SPIC: variants seen among roughly 807,000 people sequenced by gnomAD.
SPIC encodes the protein transcription factor Spi-C.
In SPIC, 9 loss-of-function variants were observed where a neutral mutation model predicts 16.7. The observed-to-expected ratio is 0.54, with a 90% CI of 0.33 to 0.94. The LOEUF (loss-of-function observed/expected upper bound fraction) is 0.94, where lower values mean the gene tolerates loss of function less well. SPIC is among the 40% of genes least tolerant of loss of function. The pLI is 0.03. For synonymous variants in SPIC, 97 were observed against 102.9 expected (o/e 0.94, Z 0.35); for missense variants, 241 against 285.8 (o/e 0.84, Z 1.13).
chr12:101,482,333 C>T (rs1423405100), intron 4 of SPIC, among the ~76,000 whole-genome samples: 1 of 150,864 alleles, frequency 6.6e-6, no homozygotes, highest in African/African-American at 2.4e-5. Flanking sequence ...GCTTCCCAAA[C>T]TGTTGAGATT....
At chr12:101,479,190 A>G (rs1411327189) in intron 3 of SPIC, among the ~76,000 whole-genome samples, 2 of 127,522 alleles carry the variant, frequency 1.6e-5, no homozygotes, top group African/African-American at 6.0e-5. Flanking sequence ...GAAAGAAAGA[A>G]AGAAAGAAAG....
At chr12:101,480,375 C>T (rs1873150185) in intron 4 of SPIC, among the ~76,000 whole-genome samples, 1 of 152,212 alleles carries the variant, frequency 6.6e-6, no homozygotes, top group Non-Finnish European at 1.5e-5. Flanking sequence ...CTGGTTTTAC[C>T]TACAGTCTTG....
chr12:101,479,015 G>A (rs1211482227), intron 3 of SPIC, among the ~76,000 whole-genome samples: 3 of 151,290 alleles, frequency 2.0e-5, no homozygotes, highest in South Asian at 2.1e-4. Flanking sequence ...CGTGTGCCTG[G>A]AGTCCCAGCT....
At position 101,486,850 on chromosome 12, in the gene SPIC, TTCC is replaced by T; in HGVS notation, c.*85_*87del. On this transcript the variant is annotated 3_prime_UTR_variant, in exon 6 of 6. Transcript: ENST00000551346. ...ATGATTTCTCCCTCCCTCTCTTTTTTTCCTCCTCTGAAGAAATTTAGGATTTTT... is the reference window on the plus strand; with the variant it reads ...ATGATTTCTCCCTCCCTCTCTTTTTTTCCTCTGAAGAAATTTAGGATTTTT... The T allele has an allele frequency of 8.0e-7, 1 of 1,245,766 alleles. No individual in the cohort carries two copies. The highest frequency in any genetic ancestry group is 2.4e-5 in the East Asian group (1 of 41,814). 77.2% of individuals were successfully genotyped at this position (1,245,766 alleles called of 1,614,324 possible).
chr12:101,484,983 A>C (rs1485468935), intron 5 of SPIC, among the ~76,000 whole-genome samples: 3 of 152,198 alleles, frequency 2.0e-5, no homozygotes, highest in African/African-American at 7.2e-5. Context: ...GAGACAGAGG[A>C]GTTTTGTTTA....
intron 5 of SPIC, among the ~76,000 whole-genome samples, chr12:101,483,110 C>A (rs1873261018): frequency 7.7e-6 from 1 of 130,202 alleles, no homozygotes; most frequent in Non-Finnish European, 1.6e-5. Context: ...TTTTCTGAGA[C>A]AGAGTCTCAC....
At position 101,479,284 on chromosome 12, in the gene SPIC, AAAAGAAAGAAAGAAAGAAAGAAAAAAG is replaced by A. The variant is rs1413625250; in HGVS notation, c.98-274_98-248del. 2.2e-3 allele frequency among the ~76,000 whole-genome samples: 134 copies of A among 61,952 alleles called. 7 individuals are homozygous for A. The highest frequency in any genetic ancestry group is 0.011 in the African/African-American group (127 of 11,520). 40.6% of individuals were successfully genotyped at this position (61,952 alleles called of 152,430 possible). A position where few individuals can be genotyped will look rare whatever the true frequency, so the allele number is the denominator to read the frequency against. On this transcript the variant is annotated intron_variant, in intron 3 of 5. Coordinates refer to ENST00000551346, the MANE Select transcript of SPIC (RefSeq NM_152323.3). Reference sequence around the variant, plus strand: ...AAGGAAAGAAAGAAAGAAAGAAAGAAAAAGAAAGAAAGAAAGAAAGAAAAAAGAAAGAAAGAAAGAAAGAAAGAAAGA... The same window carrying A: ...AAGGAAAGAAAGAAAGAAAGAAAGAAAAAGAAAGAAAGAAAGAAAGAAAGA...
chr12:101,486,448 T>A lies in SPIC; in HGVS notation c.424T>A (p.Phe142Ile), dbSNP rs1372378788. ...AGATAAAACCAAAGGCATCTTTCAG[T>A]TTGTATCAAAAAACAAAGAAAAACT... The part of the protein sequence containing the change: ...WVDKTKGIFQ[F>I]VSKNKEKLAE... Residue 142 changes from phenylalanine to isoleucine, a missense_variant, in exon 6 of 6, where the codon TTT becomes ATT. Coordinates refer to ENST00000551346, the MANE Select transcript of SPIC (RefSeq NM_152323.3). The A allele has an allele frequency of 6.2e-7, 1 of 1,614,130 alleles. No homozygotes were observed. The highest frequency in any genetic ancestry group is 8.5e-7 in the Non-Finnish European group (1 of 1,180,032).
Position 101,486,871 on chromosome 12 carries a change from G to C in SPIC, c.*100G>C, listed in dbSNP as rs1332408367. Reference sequence around the variant, plus strand: ...TTTTTTCCTCCTCTGAAGAAATTTAGGATTTTTCTCTTAAAGCAAATACTA... The same window carrying C: ...TTTTTTCCTCCTCTGAAGAAATTTACGATTTTTCTCTTAAAGCAAATACTA... On this transcript the variant is annotated 3_prime_UTR_variant, in exon 6 of 6. Transcript: ENST00000551346. 2.8e-6 allele frequency: 3 copies of C among 1,066,348 alleles called. No individual in the cohort carries two copies. Among genetic ancestry groups the C allele is most frequent in the Non-Finnish European group, 3.9e-6 (3 of 775,636 alleles). The allele number at this position is 1,066,348 out of a possible 1,614,324, so 66.1% of individuals were successfully genotyped here.
chr12:101,482,642 C>T (rs1284118494), intron 4 of SPIC, 150 bp from the exon 5 acceptor site: 2 of 688,342 alleles, frequency 2.9e-6, no homozygotes, highest in Non-Finnish European at 5.1e-6. Context: ...GCTAGTGCTG[C>T]CCTGGGAGCT....
intron 3 of SPIC, 89 bp downstream of exon 3, chr12:101,477,740 G>C: frequency 8.5e-7 from 1 of 1,179,548 alleles, no homozygotes; most frequent in Non-Finnish European, 1.2e-6. Context: ...CAGCTGACCA[G>C]GTGCTGTGGC....
intron 4 of SPIC, among the ~76,000 whole-genome samples, chr12:101,480,488 C>T (rs1873153743): frequency 6.6e-6 from 1 of 152,188 alleles, no homozygotes; most frequent in African/African-American, 2.4e-5. Flanking sequence ...AGGGAAACAC[C>T]CTGCCATCTC....
intron 4 of SPIC, 73 bp from the exon 5 acceptor site, chr12:101,482,719 C>T: frequency 6.4e-6 from 9 of 1,414,584 alleles, no homozygotes; most frequent in South Asian, 1.3e-5. Flanking sequence ...TTTCCCCTAA[C>T]TTTTGACTTC....
At chr12:101,480,784 C>T (rs936357990) in intron 4 of SPIC, among the ~76,000 whole-genome samples, 3 of 152,072 alleles carry the variant, frequency 2.0e-5, no homozygotes, top group Middle Eastern at 3.4e-3. Flanking sequence ...CCCAAGAGTT[C>T]GAGACCAACC....
intron 4 of SPIC, among the ~76,000 whole-genome samples, chr12:101,480,279 A>G (rs1409946711): frequency 6.6e-6 from 1 of 152,204 alleles, no homozygotes. Context: ...GGATGTTAAT[A>G]TCAGTTGCTT....
chr12:101,486,269 C>A, intron 5 of SPIC, 75 bp from the exon 6 acceptor site: 1 of 1,437,784 alleles, frequency 7.0e-7, no homozygotes, highest in Non-Finnish European at 9.4e-7. Context: ...TCAGTAGTTG[C>A]TCAACAAACC....
chr12:101,477,888 G>A (rs1185782095), intron 3 of SPIC, among the ~76,000 whole-genome samples: 1 of 152,070 alleles, frequency 6.6e-6, no homozygotes, highest in Non-Finnish European at 1.5e-5. Flanking sequence ...ATGGTGGCGC[G>A]ACTGTAATCC....
intron 2 of SPIC, 134 bp downstream of exon 2, chr12:101,477,041 A>G: frequency 2.1e-6 from 1 of 471,090 alleles, no homozygotes; most frequent in Non-Finnish European, 3.6e-6. Context: ...TAAGGATATG[A>G]AATAGTTTGC....
chr12:101,486,188 T>C (rs1435931519), intron 5 of SPIC, among the ~76,000 whole-genome samples, 156 bp from the exon 6 acceptor site: 1 of 152,168 alleles, frequency 6.6e-6, no homozygotes, highest in Non-Finnish European at 1.5e-5. Flanking sequence ...TCGAATCCCA[T>C]AAAATGATGC....
Sources: gnomAD v4.1 joint callset for allele counts (sites outside exome capture counted in the v4.1 genomes callset) on GRCh38, gnomAD v4.1.1 for gene constraint, MANE v1.5 for transcripts, NCBI Gene and HGNC (gene_info 2026-07-23, HGNC 2026-07-21) for gene names.